NR6A1: variants seen among roughly 807,000 people sequenced by gnomAD.
NR6A1 encodes retinoic acid receptor-related testis-associated receptor.
Under a neutral mutation model 59.1 loss-of-function variants are expected in NR6A1, and 7 were observed. That is an observed-to-expected ratio of 0.12 (90% confidence interval 0.07 to 0.22). The LOEUF is 0.22. NR6A1 is among the 10% of genes least tolerant of loss of function. NR6A1 has a pLI of 1.00. For missense variants in NR6A1, 468 were observed against 611.6 expected (o/e 0.77, Z 2.48); for synonymous variants, 243 against 236.1 (o/e 1.03, Z -0.27).
At chr9:124,538,347 G>C (rs1476216633) in intron 5 of NR6A1, 28 bp from the exon 6 acceptor site, 3 of 1,568,970 alleles carry the variant, frequency 1.9e-6, no homozygotes, top group African/African-American at 1.4e-5. Context: ...GCGTCAAACA[G>C]AGCCATGGCA....
At chr9:124,684,656 G>A (rs972843954) in intron 2 of NR6A1, among the ~76,000 whole-genome samples, 2 of 152,108 alleles carry the variant, frequency 1.3e-5, no homozygotes, top group Non-Finnish European at 2.9e-5. Context: ...GGGGTTCCTC[G>A]AGCCTCTTCC....
At chr9:124,602,601 C>T (rs1262932761) in intron 2 of NR6A1, among the ~76,000 whole-genome samples, 1 of 152,194 alleles carries the variant, frequency 6.6e-6, no homozygotes, top group Non-Finnish European at 1.5e-5. Context: ...CTGGTTTCAG[C>T]CCTCACTTCT....
intron 2 of NR6A1, among the ~76,000 whole-genome samples, chr9:124,571,090 G>A (rs1479764848): frequency 6.6e-6 from 1 of 152,224 alleles, no homozygotes; most frequent in Non-Finnish European, 1.5e-5. Context: ...AAGAGTGAAT[G>A]AGTCATTCTG....
At chr9:124,728,918 T>C (rs1839805291) in intron 2 of NR6A1, among the ~76,000 whole-genome samples, 1 of 152,198 alleles carries the variant, frequency 6.6e-6, no homozygotes, top group South Asian at 2.1e-4. Flanking sequence ...CCATCACTGA[T>C]TATTTGGGTT....
intron 7 of NR6A1, 35 bp from the exon 8 acceptor site, chr9:124,526,935 T>C: frequency 6.2e-7 from 1 of 1,612,384 alleles, no homozygotes; most frequent in African/African-American, 1.3e-5. Flanking sequence ...CAGTTGGCTG[T>C]GACACCAGTA....
At chr9:124,736,911 T>C (rs980141382) in intron 1 of NR6A1, among the ~76,000 whole-genome samples, 9 of 152,262 alleles carry the variant, frequency 5.9e-5, no homozygotes, top group Non-Finnish European at 1.0e-4. Flanking sequence ...AAGTAAGACC[T>C]CTATATATGT....
chr9:124,744,303 G>A (rs1840261526), intron 1 of NR6A1, among the ~76,000 whole-genome samples: 1 of 152,152 alleles, frequency 6.6e-6, no homozygotes, highest in Non-Finnish European at 1.5e-5. Context: ...ATAAGAAAAT[G>A]TATACAATAA....
intron 2 of NR6A1, among the ~76,000 whole-genome samples, chr9:124,728,905 T>C (rs1839804538): frequency 6.6e-6 from 1 of 152,210 alleles, no homozygotes; most frequent in Non-Finnish European, 1.5e-5. Flanking sequence ...CTCCACTTGT[T>C]ATCCATCACT....
intron 3 of NR6A1, among the ~76,000 whole-genome samples, chr9:124,545,449 G>A (rs1833569341): frequency 6.6e-6 from 1 of 152,210 alleles, no homozygotes; most frequent in South Asian, 2.1e-4. Flanking sequence ...AAAAGCTGTT[G>A]TGAATTTGGA....
chr9:124,769,546 T>C (rs1221679170), intron 1 of NR6A1, among the ~76,000 whole-genome samples: 1 of 152,244 alleles, frequency 6.6e-6, no homozygotes, highest in African/African-American at 2.4e-5. Flanking sequence ...GAGAAACCTC[T>C]TGGTGAAGCA....
At chr9:124,741,383 T>C (rs1840169365) in intron 1 of NR6A1, among the ~76,000 whole-genome samples, 1 of 152,252 alleles carries the variant, frequency 6.6e-6, no homozygotes, top group Admixed American at 6.5e-5. Context: ...TCCATCAGCC[T>C]GCAAATGCAG....
chr9:124,596,939 T>G (rs1197440915), intron 2 of NR6A1, among the ~76,000 whole-genome samples: 1 of 152,262 alleles, frequency 6.6e-6, no homozygotes, highest in East Asian at 1.9e-4. Context: ...GTAAAATGTT[T>G]CATTCTATGA....
chr9:124,537,631 C>T (rs1833308992), intron 6 of NR6A1, among the ~76,000 whole-genome samples: 1 of 152,294 alleles, frequency 6.6e-6, no homozygotes, highest in African/African-American at 2.4e-5. Flanking sequence ...AAGAATACTC[C>T]TTCTACCCAC....
chr9:124,558,963 T>C (rs950847347), intron 2 of NR6A1, among the ~76,000 whole-genome samples: 2 of 152,154 alleles, frequency 1.3e-5, no homozygotes, highest in African/African-American at 4.8e-5. Context: ...TGCAAAGGAT[T>C]TGAAGTGTAT....
chr9:124,726,744 T>G (rs572774014), intron 2 of NR6A1, among the ~76,000 whole-genome samples: 1 of 152,238 alleles, frequency 6.6e-6, no homozygotes, highest in Non-Finnish European at 1.5e-5. Context: ...CAGTCATCCA[T>G]ACACTAAAGC....
At chr9:124,691,627 TG>T (rs1838546788) in intron 2 of NR6A1, among the ~76,000 whole-genome samples, 1 of 152,230 alleles carries the variant, frequency 6.6e-6, no homozygotes, top group South Asian at 2.1e-4. Flanking sequence ...AAATGACATC[TG>T]ACATTTTAGT....
intron 2 of NR6A1, among the ~76,000 whole-genome samples, chr9:124,653,169 A>T (rs1341156345): frequency 6.6e-6 from 1 of 152,140 alleles, no homozygotes. Context: ...ACACTGGACA[A>T]GTCATTTAAC....
chr9:124,627,531 T>C (rs1836281029), intron 2 of NR6A1, among the ~76,000 whole-genome samples: 1 of 152,160 alleles, frequency 6.6e-6, no homozygotes, highest in Non-Finnish European at 1.5e-5. Flanking sequence ...CTAGCAAAAG[T>C]TTGGATGTAA....
At chr9:124,595,586 AC>A (rs1212101760) in intron 2 of NR6A1, among the ~76,000 whole-genome samples, 1 of 152,214 alleles carries the variant, frequency 6.6e-6, no homozygotes, top group Non-Finnish European at 1.5e-5. Flanking sequence ...CAAAACATTT[AC>A]AGCCACTTGC....
Sources: gnomAD v4.1 joint callset for allele counts (sites outside exome capture counted in the v4.1 genomes callset) on GRCh38, gnomAD v4.1.1 for gene constraint, MANE v1.5 for transcripts, NCBI Gene and HGNC (gene_info 2026-07-23, HGNC 2026-07-21) for gene names.